Variants in KIAA1217 observed in about 807,000 individuals in gnomAD.
KIAA1217 encodes KIAA1217, also known as sickle tail protein homolog.
Under a neutral mutation model 163.9 loss-of-function variants are expected in KIAA1217, and 88 were observed. The ratio of observed to expected loss-of-function variants is 0.54; its 90% CI spans 0.45 to 0.64. The LOEUF (loss-of-function observed/expected upper bound fraction) is 0.64, where lower values mean the gene tolerates loss of function less well. Among genes scored for constraint, KIAA1217 ranks in the 30% least tolerant of loss-of-function variants. The probability of loss-of-function intolerance (pLI) is 0.00; values close to 1 mark genes in which losing one functional copy is unlikely to be tolerated. For synonymous variants in KIAA1217, 903 were observed against 923.1 expected (o/e 0.98, Z 0.39); for missense variants, 2,372 against 2,475.0 (o/e 0.96, Z 0.88).
At chr10:24,461,279 G>A (rs1456700573) in intron 5 of KIAA1217, among the ~76,000 whole-genome samples, 1 of 152,034 alleles carries the variant, frequency 6.6e-6, no homozygotes, top group Non-Finnish European at 1.5e-5. Flanking sequence ...CCATCTAGCT[G>A]TTTTCATATC....
intron 1 of KIAA1217, among the ~76,000 whole-genome samples, chr10:23,859,026 C>T (rs1427184602): frequency 6.6e-6 from 1 of 152,178 alleles, no homozygotes; most frequent in Non-Finnish European, 1.5e-5. Context: ...GCCAGTGGAG[C>T]ACAAAGACCC....
chr10:24,117,161 C>T (rs2063091222), intron 2 of KIAA1217, among the ~76,000 whole-genome samples: 1 of 152,028 alleles, frequency 6.6e-6, no homozygotes, highest in Admixed American at 6.5e-5. Context: ...CCTCAGCCTC[C>T]CTAGTAGCTG....
At chr10:23,933,603 G>A (rs1250832392) in intron 1 of KIAA1217, among the ~76,000 whole-genome samples, 1 of 152,044 alleles carries the variant, frequency 6.6e-6, no homozygotes, top group Non-Finnish European at 1.5e-5. Flanking sequence ...AAGTGAGCAG[G>A]CACCCTACAG....
intron 1 of KIAA1217, among the ~76,000 whole-genome samples, chr10:23,815,181 G>GT (rs987183000): frequency 6.0e-5 from 9 of 151,240 alleles, no homozygotes; most frequent in African/African-American, 1.7e-4. Flanking sequence ...TGAGGCAAAG[G>GT]TTTTTTTTTA....
At chr10:24,411,158 G>T (rs556133308) in intron 3 of KIAA1217, among the ~76,000 whole-genome samples, 1 of 152,136 alleles carries the variant, frequency 6.6e-6, no homozygotes, top group South Asian at 2.1e-4. Flanking sequence ...AATAAATTTG[G>T]TCCTGACATG....
At chr10:24,250,100 G>A (rs1486450589) in intron 2 of KIAA1217, among the ~76,000 whole-genome samples, 1 of 152,162 alleles carries the variant, frequency 6.6e-6, no homozygotes, top group Admixed American at 6.5e-5. Context: ...AAAGGCGTGG[G>A]GAGGGAGAGG....
chr10:24,542,805 A>G, intron 18 of KIAA1217, 35 bp downstream of exon 18: 1 of 1,612,180 alleles, frequency 6.2e-7, no homozygotes, highest in Non-Finnish European at 8.5e-7. Flanking sequence ...GACCAATACC[A>G]TGCACATTAA....
intron 1 of KIAA1217, among the ~76,000 whole-genome samples, chr10:24,002,534 C>A (rs1447057534): frequency 1.3e-5 from 2 of 152,162 alleles, no homozygotes; most frequent in African/African-American, 2.4e-5. Flanking sequence ...CTGCTCCATC[C>A]GACTTCAGAT....
chr10:24,096,724 C>T (rs1189667082), intron 2 of KIAA1217, among the ~76,000 whole-genome samples: 1 of 152,134 alleles, frequency 6.6e-6, no homozygotes, highest in Admixed American at 6.5e-5. Flanking sequence ...CATTATTCAC[C>T]CTCAGGCCTC....
chr10:24,508,697 T>A (rs370003091), intron 9 of KIAA1217, among the ~76,000 whole-genome samples: 1 of 152,324 alleles, frequency 6.6e-6, no homozygotes, highest in East Asian at 1.9e-4. Context: ...ATTTGTACAA[T>A]GAAATGCCAC....
intron 2 of KIAA1217, among the ~76,000 whole-genome samples, chr10:24,366,205 G>A (rs2050759223): frequency 6.6e-6 from 1 of 152,112 alleles, no homozygotes; most frequent in Non-Finnish European, 1.5e-5. Flanking sequence ...AGCACTTTGG[G>A]AGGCCGAAGC....
In KIAA1217 at chr10:24,254,856, A is replaced by T. The variant is rs74230814; in HGVS notation, c.354+34947A>T. 3.7e-3 allele frequency among the ~76,000 whole-genome samples: 532 copies of T among 143,142 alleles called. 16 individuals carry two copies. In the East Asian group the frequency reaches 0.099, roughly 27 times the overall value. The allele number at this position is 143,142 out of a possible 152,430, so 93.9% of individuals were successfully genotyped here. ...CTCCGTCCAACTCTGTTCAACTCTA[A>T]TTTTTTTTTTTTTTTGAGACGGAGT... On this transcript the variant is annotated intron_variant, in intron 2 of 20. Transcript: ENST00000376454.
Position 24,543,527 on chromosome 10 carries a change from A to G in KIAA1217, c.4257A>G (p.Arg1419=). ...EDIQTVNIDA[R]KEMTPRQEGT... ...TACAGACGGTTAATATCGATGCCAG[A>G]AAAGAGATGACCCCCCGACAAGAAG... The change falls in exon 19 of 21, where the codon AGA becomes AGG. Residue 1419 remains arginine (R), a synonymous_variant. Transcript: ENST00000376454. 1 of 1,614,166 alleles carries G rather than the reference A, an allele frequency of 6.2e-7. No homozygotes were observed. Among genetic ancestry groups the G allele is most frequent in the Non-Finnish European group, 8.5e-7 (1 of 1,180,036 alleles).
At chr10:24,265,517 G>C (rs2076150831) in intron 2 of KIAA1217, among the ~76,000 whole-genome samples, 1 of 152,036 alleles carries the variant, frequency 6.6e-6, no homozygotes, top group Non-Finnish European at 1.5e-5. Context: ...CTGAACAAAG[G>C]CTCTTCATTC....
chr10:24,339,115 A>G (rs1370352154), intron 2 of KIAA1217, among the ~76,000 whole-genome samples: 4 of 152,216 alleles, frequency 2.6e-5, no homozygotes, highest in Non-Finnish European at 4.4e-5. Flanking sequence ...GGTTTCTGGT[A>G]TACATAGTAG....
In KIAA1217 at chr10:24,473,382, G is replaced by T. The variant is rs772954655; in HGVS notation, c.1001G>T (p.Gly334Val). The change falls in exon 6 of 21, where the codon GGC (glycine) becomes GTC (valine). Residue 334 changes from glycine (G) to valine (V), a missense_variant. By Grantham distance (109) the Gly-to-Val change is moderately radical. Coordinates refer to ENST00000376454, the MANE Select transcript of KIAA1217 (RefSeq NM_019590.5). ...PPSPSRIPYG[G>V]TRSMVVPGNA... ...TCCCCGTCCAGAATTCCTTATGGGGGCACCCGCTCCATGGTTGTTCCTGGC... is the reference window on the plus strand; with the variant it reads ...TCCCCGTCCAGAATTCCTTATGGGGTCACCCGCTCCATGGTTGTTCCTGGC... The T allele has an allele frequency of 2.5e-6, 4 of 1,612,228 alleles. No individual in the cohort carries two copies. Among genetic ancestry groups the T allele is most frequent in the Non-Finnish European group, 3.4e-6 (4 of 1,178,936 alleles).
intron 2 of KIAA1217, among the ~76,000 whole-genome samples, chr10:24,022,187 T>A (rs964102046): frequency 6.6e-6 from 1 of 151,536 alleles, no homozygotes; most frequent in Admixed American, 6.6e-5. Context: ...AAGAAATATT[T>A]GCAAAACACA....
chr10:24,486,407 C>T (rs1592315994), intron 6 of KIAA1217, among the ~76,000 whole-genome samples: 1 of 152,304 alleles, frequency 6.6e-6, no homozygotes, highest in East Asian at 1.9e-4. Context: ...CTTGCAATGA[C>T]CAATGGCTCC....
chr10:23,994,099 G>A (rs1271044043), intron 1 of KIAA1217, among the ~76,000 whole-genome samples: 1 of 152,130 alleles, frequency 6.6e-6, no homozygotes, highest in African/African-American at 2.4e-5. Flanking sequence ...GGAAAGAGGA[G>A]AATGTGAATG....
Sources: allele counts gnomAD v4.1 joint callset (sites outside exome capture counted in the v4.1 genomes callset), GRCh38; gene constraint gnomAD v4.1.1; transcripts MANE v1.5; gene names NCBI Gene and HGNC (gene_info 2026-07-23, HGNC 2026-07-21).